Variants in METTL9 observed in about 807,000 individuals in gnomAD.
The protein encoded by METTL9 is protein-L-histidine N-pros-methyltransferase.
METTL9 carries 10 observed loss-of-function variants against 36.0 expected under a neutral mutation model. The observed-to-expected ratio is 0.28, with a 90% CI of 0.17 to 0.47. The LOEUF is 0.47. METTL9 is among the 20% of genes least tolerant of loss of function. METTL9 has a pLI of 0.99. For missense variants in METTL9, 246 were observed against 383.5 expected (o/e 0.64, Z 3.00); for synonymous variants, 175 against 149.7 (o/e 1.17, Z -1.23).
chr16:21,627,305 T>TA (rs1965837890), intron 4 of METTL9: 8 of 985,316 alleles, frequency 8.1e-6, no homozygotes, highest in Non-Finnish European at 8.4e-6. Context: ...TGTTTTTTTT[T>TA]AACTAAAAGT....
At chr16:21,625,556 C>T (rs1368002583) in intron 4 of METTL9, among the ~76,000 whole-genome samples, 2 of 152,046 alleles carry the variant, frequency 1.3e-5, no homozygotes, top group Non-Finnish European at 2.9e-5. Flanking sequence ...ATGCTTTTAT[C>T]TGTTTTTTTC....
intron 4 of METTL9, chr16:21,652,381 C>G (rs1024582552): frequency 3.8e-6 from 2 of 523,360 alleles, no homozygotes; most frequent in Non-Finnish European, 6.6e-6. Flanking sequence ...GTCTATTTCT[C>G]AGGGGAAAAA....
At chr16:21,632,454 A>C in intron 4 of METTL9, among the ~76,000 whole-genome samples, 1 of 152,150 alleles carries the variant, frequency 6.6e-6, no homozygotes, top group East Asian at 1.9e-4. Flanking sequence ...ATATAGGTTA[A>C]GGTCAGGATT....
intron 1 of METTL9, among the ~76,000 whole-genome samples, chr16:21,604,034 C>T (rs1178152313): frequency 6.6e-6 from 1 of 152,094 alleles, no homozygotes; most frequent in Non-Finnish European, 1.5e-5. Flanking sequence ...CAGAGTGTTT[C>T]CTGTCCCTTT....
rs1192530711 is a variant in METTL9, at chr16:21,615,321, T to A, written c.356+2486T>A. ...ATGGCTCACTGCAGCCTTGACCTCC[T>A]CAGGCTCAGGCAGTCCTCCTGCCTC... On this transcript the variant is annotated intron_variant, in intron 2 of 4. Transcript: ENST00000358154. Among the ~76,000 whole-genome samples, 3 of 152,094 alleles carry A rather than the reference T, an allele frequency of 2.0e-5. No individual in the cohort carries two copies. In the East Asian group the frequency reaches 5.8e-4, roughly 29 times the overall value.
intron 2 of METTL9, among the ~76,000 whole-genome samples, chr16:21,613,407 G>C (rs1965482902): frequency 6.6e-6 from 1 of 151,816 alleles, no homozygotes; most frequent in Non-Finnish European, 1.5e-5. Context: ...GTCTCTAACT[G>C]ACCTCAAGTG....
Position 21,655,575 on chromosome 16 carries a change from C to G in METTL9, c.*143C>G. On this transcript the variant is annotated 3_prime_UTR_variant, in exon 5 of 5. Coordinates refer to ENST00000358154, the MANE Select transcript of METTL9 (RefSeq NM_016025.5). ...TGTAGGAATTTAAAAAGCCAAAATA[C>G]TAATTATTTCTTTGTAGTGTGTAAA... is the stretch of plus-strand genomic sequence containing the variant. 1.4e-6 allele frequency: 1 copy of G among 690,650 alleles called. No homozygotes were observed. The highest frequency in any genetic ancestry group is 2.0e-5 in the South Asian group (1 of 49,562). 42.8% of individuals were successfully genotyped at this position (690,650 alleles called of 1,614,324 possible).
chr16:21,650,508 C>CTA (rs1966542456), intron 4 of METTL9, among the ~76,000 whole-genome samples: 1 of 89,990 alleles, frequency 1.1e-5, no homozygotes, highest in African/African-American at 4.6e-5. Flanking sequence ...ACTCTTGTCT[C>CTA]AAAAAAAAAA....
At chr16:21,630,928 C>T (rs1283410898) in intron 4 of METTL9, among the ~76,000 whole-genome samples, 4 of 152,060 alleles carry the variant, frequency 2.6e-5, no homozygotes, top group East Asian at 1.9e-4. Context: ...AAACGCTGGG[C>T]GGCATCTCGT....
At chr16:21,611,434 G>A (rs1422401198) in intron 1 of METTL9, among the ~76,000 whole-genome samples, 1 of 152,164 alleles carries the variant, frequency 6.6e-6, no homozygotes, top group Non-Finnish European at 1.5e-5. Flanking sequence ...TCAAGGGGAA[G>A]CAAATTACTC....
chr16:21,642,072 C>T (rs1459303577), intron 4 of METTL9: 1 of 152,268 alleles, frequency 6.6e-6, no homozygotes, highest in Non-Finnish European at 1.5e-5. Context: ...TTTGGCAGCA[C>T]ATACACTAAA....
At chr16:21,616,778 TC>T (rs2152894437) in intron 2 of METTL9, among the ~76,000 whole-genome samples, 1 of 152,352 alleles carries the variant, frequency 6.6e-6, no homozygotes, top group African/African-American at 2.4e-5. Flanking sequence ...ATACTAAAGC[TC>T]TTTTTTCCTG....
chr16:21,632,003 CCTCT>C (rs1423064807), intron 4 of METTL9, among the ~76,000 whole-genome samples: 1 of 151,842 alleles, frequency 6.6e-6, no homozygotes, highest in East Asian at 1.9e-4. Flanking sequence ...TCTCTGACTC[CCTCT>C]GTCTCTTCCT....
At position 21,638,540 on chromosome 16, in the gene METTL9, G is replaced by A. The variant is rs115414696; in HGVS notation, c.751+13425G>A. On this transcript the variant is annotated intron_variant, in intron 4 of 4. Coordinates refer to ENST00000358154, the MANE Select transcript of METTL9 (RefSeq NM_016025.5). ...TAGAAGGCATTTGAGGGCCTACTGTGTACCAAGTGGAAATATAAAGATAAA... is the reference window on the plus strand; with the variant it reads ...TAGAAGGCATTTGAGGGCCTACTGTATACCAAGTGGAAATATAAAGATAAA... Among the ~76,000 whole-genome samples, 442 of 152,268 alleles carry A rather than the reference G, an allele frequency of 2.9e-3. 3 individuals are homozygous for A. Among genetic ancestry groups the A allele is most frequent in the African/African-American group, 8.8e-3 (364 of 41,544 alleles).
At chr16:21,599,358 G>C (rs763298009), upstream of METTL9, 2 of 1,016,288 alleles carry the variant, frequency 2.0e-6, no homozygotes, top group South Asian at 7.9e-5. This position sits in a 1 kb window ranked among gnomAD's most constrained non-coding sequence, Gnocchi z 4.4. Flanking sequence ...ATTTACTAGA[G>C]GCCAAGGCAG....
intron 1 of METTL9, chr16:21,611,953 A>G (rs1163905229): frequency 3.9e-5 from 6 of 152,152 alleles, no homozygotes; most frequent in African/African-American, 1.4e-4. Flanking sequence ...GCATGTTACT[A>G]TTTGGTCTTC....
intron 3 of METTL9, among the ~76,000 whole-genome samples, chr16:21,619,123 T>C (rs1260170237): frequency 6.6e-6 from 1 of 152,208 alleles, no homozygotes; most frequent in Admixed American, 6.5e-5. Context: ...AATGCTGCTA[T>C]GAACATGGGT....
intron 4 of METTL9, among the ~76,000 whole-genome samples, chr16:21,638,647 G>A (rs1025530275): frequency 6.6e-6 from 1 of 152,200 alleles, no homozygotes; most frequent in Non-Finnish European, 1.5e-5. Flanking sequence ...ATTGTGGTAA[G>A]AAATATGTCA....
intron 3 of METTL9, among the ~76,000 whole-genome samples, chr16:21,621,403 G>A (rs1164819592): frequency 6.6e-6 from 1 of 151,726 alleles, no homozygotes; most frequent in Non-Finnish European, 1.5e-5. Flanking sequence ...TCAGCTCACT[G>A]CAACCTCTAC....
Sources: gnomAD v4.1 joint callset for allele counts (sites outside exome capture counted in the v4.1 genomes callset) on GRCh38, gnomAD v4.1.1 for gene constraint, Gnocchi (gnomAD v3.1) non-coding constraint, MANE v1.5 for transcripts, NCBI Gene and HGNC (gene_info 2026-07-23, HGNC 2026-07-21) for gene names.